Variants in GFRA1 observed in about 807,000 individuals in gnomAD.
GFRA1 encodes GDNF family receptor alpha 1, also known as GDNF family receptor alpha-1.
A neutral mutation model predicts 51.6 loss-of-function variants in GFRA1; 16 were observed. The observed-to-expected ratio is 0.31, with a 90% confidence interval of 0.21 to 0.47. The LOEUF (loss-of-function observed/expected upper bound fraction) is 0.47, where lower values mean the gene tolerates loss of function less well. GFRA1 is among the 20% of genes least tolerant of loss of function. The pLI is 1.00. For synonymous variants in GFRA1, 270 were observed against 241.3 expected (o/e 1.12, Z -1.10); for missense variants, 530 against 594.3 (o/e 0.89, Z 1.13).
At chr10:116,153,685 A>T (rs1251333042) in intron 5 of GFRA1, among the ~76,000 whole-genome samples, 2 of 152,256 alleles carry the variant, frequency 1.3e-5, no homozygotes, top group African/African-American at 4.8e-5. Flanking sequence ...ACTTGGAGTA[A>T]GCAAAGATTT....
At chr10:116,252,933 C>G (rs1361437498) in intron 4 of GFRA1, among the ~76,000 whole-genome samples, 1 of 152,222 alleles carries the variant, frequency 6.6e-6, no homozygotes, top group Non-Finnish European at 1.5e-5. Context: ...TCCAAATCTA[C>G]ATCCTTTCTG....
chr10:116,270,725 G>T, intron 3 of GFRA1, 97 bp downstream of exon 3: 1 of 981,364 alleles, frequency 1.0e-6, no homozygotes. Flanking sequence ...CAGCTGGGGA[G>T]AAGTGAGTGG....
At chr10:116,173,562 G>A (rs1324397342) in intron 5 of GFRA1, among the ~76,000 whole-genome samples, 3 of 152,068 alleles carry the variant, frequency 2.0e-5, no homozygotes, top group African/African-American at 4.8e-5. Context: ...TGCTTTCACC[G>A]TATGCCTTTC....
chr10:116,140,937 C>T lies in GFRA1; in HGVS notation c.434-15380G>A, dbSNP rs566550310. ...AGTAAATGCATAAAGTTCAGAAGTC[C>T]CACATATTTGACATTTGAAGAACAA... On this transcript the variant is annotated intron_variant, in intron 5 of 10. Transcript: ENST00000355422. 5.1e-4 allele frequency among the ~76,000 whole-genome samples: 78 copies of T among 152,218 alleles called. No individual in the cohort carries two copies. In the South Asian group the frequency reaches 0.012, roughly 23 times the overall value.
chr10:116,211,582 C>T (rs1242288740), intron 5 of GFRA1, 49 bp downstream of exon 5: 2 of 1,512,086 alleles, frequency 1.3e-6, no homozygotes, highest in African/African-American at 2.8e-5. Flanking sequence ...ACCCATGTTC[C>T]CCAAAGAGCA....
chr10:116,064,035 A>G lies in GFRA1; in HGVS notation c.*363T>C, dbSNP rs1211434543. Reference sequence around the variant, plus strand: ...AGGAAAGGCCAGAAGTAAAACTGTTAAAATCATCATCATGATCATGATGAT... The same window carrying G: ...AGGAAAGGCCAGAAGTAAAACTGTTGAAATCATCATCATGATCATGATGAT... On this transcript the variant is annotated 3_prime_UTR_variant, in exon 11 of 11. Coordinates refer to ENST00000355422, the MANE Select transcript of GFRA1 (RefSeq NM_005264.8). 11 of 176,892 alleles carry G rather than the reference A, an allele frequency of 6.2e-5. No homozygotes were observed. Among genetic ancestry groups the G allele is most frequent in the African/African-American group, 3.9e-4 (11 of 28,568 alleles). The allele number at this position is 176,892 out of a possible 1,614,324, so 11.0% of individuals were successfully genotyped here.
chr10:116,112,957 AAGTCTTCC>A, intron 6 of GFRA1, among the ~76,000 whole-genome samples: 1 of 152,318 alleles, frequency 6.6e-6, no homozygotes, highest in Non-Finnish European at 1.5e-5. Flanking sequence ...GTGCACACAC[AAGTCTTCC>A]AGCCCAAGAT....
chr10:116,164,230 T>C (rs533632139), intron 5 of GFRA1, among the ~76,000 whole-genome samples: 1 of 152,252 alleles, frequency 6.6e-6, no homozygotes, highest in African/African-American at 2.4e-5. Context: ...GTTTGAATGT[T>C]CTGTAAGAAT....
chr10:116,147,448 C>A (rs1326780813), intron 5 of GFRA1, among the ~76,000 whole-genome samples: 1 of 152,084 alleles, frequency 6.6e-6, no homozygotes, highest in Non-Finnish European at 1.5e-5. Context: ...GGTGATGAGT[C>A]CTTTTTTTTT....
At chr10:116,085,225 T>G (rs2133852510) in intron 9 of GFRA1, among the ~76,000 whole-genome samples, 1 of 152,348 alleles carries the variant, frequency 6.6e-6, no homozygotes, top group East Asian at 1.9e-4. Context: ...ATAATTACAC[T>G]TCGGAGCAGA....
rs971224838 is a variant in GFRA1 at position 116,242,485 on chromosome 10, AT to A, written c.418+27017del. On this transcript the variant is annotated intron_variant, in intron 4 of 10. Coordinates refer to ENST00000355422, the MANE Select transcript of GFRA1 (RefSeq NM_005264.8). The stretch of plus-strand genomic sequence containing the variant: ...GAGAAGAGAAGGTATCCATAAAAAC[AT>A]TTTTTTTTTTTTTGAGACAGAATCG... 4.0e-3 allele frequency among the ~76,000 whole-genome samples: 572 copies of A among 144,364 alleles called. 2 individuals carry two copies. Among genetic ancestry groups the A allele is most frequent in the Non-Finnish European group, 4.4e-3 (289 of 65,420 alleles). The allele number at this position is 144,364 out of a possible 152,430, so 94.7% of individuals were successfully genotyped here.
chr10:116,083,612 C>A (rs1955954580), intron 9 of GFRA1, among the ~76,000 whole-genome samples: 1 of 152,160 alleles, frequency 6.6e-6, no homozygotes, highest in African/African-American at 2.4e-5. Context: ...TAAAACTCGA[C>A]ACTTAAAATT....
intron 5 of GFRA1, among the ~76,000 whole-genome samples, chr10:116,154,189 G>A (rs114615648): frequency 1.3e-3 from 205 of 152,268 alleles, no homozygotes; most frequent in African/African-American, 4.7e-3. Flanking sequence ...CAGTACTAAA[G>A]CTGAATATAA....
chr10:116,185,337 G>C (rs1024571407), intron 5 of GFRA1, among the ~76,000 whole-genome samples: 1 of 152,110 alleles, frequency 6.6e-6, no homozygotes, highest in East Asian at 1.9e-4. Context: ...CTCAGCTGAT[G>C]ATCTGTAAGA....
At chr10:116,074,263 A>G (rs960445775) in intron 9 of GFRA1, among the ~76,000 whole-genome samples, 4 of 152,144 alleles carry the variant, frequency 2.6e-5, no homozygotes, top group Admixed American at 6.5e-5. Context: ...CTCTGACTCT[A>G]AAAATCAATG....
intron 5 of GFRA1, among the ~76,000 whole-genome samples, chr10:116,202,691 CT>C (rs1179520506): frequency 6.6e-6 from 1 of 152,134 alleles, no homozygotes; most frequent in East Asian, 1.9e-4. Context: ...ATGCCACACT[CT>C]TTTAAACCAT....
In GFRA1 at chr10:116,272,325, C is replaced by T. The variant is rs912735604; in HGVS notation, c.-246-50G>A. 73 of 526,196 alleles carry T rather than the reference C, an allele frequency of 1.4e-4. No homozygotes were observed. Among genetic ancestry groups the T allele is most frequent in the Non-Finnish European group, 3.4e-5 (10 of 291,342 alleles). 32.6% of individuals were successfully genotyped at this position (526,196 alleles called of 1,614,324 possible). A position where few individuals can be genotyped will look rare whatever the true frequency, so the allele number is the denominator to read the frequency against. ...ATGAGAGCGGAGAGCGCCGGAGACTCCCCCCACAGAACCCTCTCCCCTCCC... is the reference window on the plus strand; with the variant it reads ...ATGAGAGCGGAGAGCGCCGGAGACTTCCCCCACAGAACCCTCTCCCCTCCC... On this transcript the variant is annotated intron_variant, in intron 1 of 10. Transcript: ENST00000355422. This position sits in a 1 kb window ranked among gnomAD's most constrained non-coding sequence, Gnocchi z 4.4.
At chr10:116,168,545 C>G (rs552631090) in intron 5 of GFRA1, among the ~76,000 whole-genome samples, 2 of 152,284 alleles carry the variant, frequency 1.3e-5, no homozygotes, top group South Asian at 2.1e-4. Context: ...TGGGCTCACT[C>G]CACTTGCTCA....
intron 5 of GFRA1, among the ~76,000 whole-genome samples, chr10:116,165,325 CAT>C (rs1254177905): frequency 6.8e-6 from 1 of 147,902 alleles, no homozygotes; most frequent in Non-Finnish European, 1.5e-5. Flanking sequence ...AAGTCACTTC[CAT>C]ATGTTTGAAA....
Sources: allele counts gnomAD v4.1 joint callset (sites outside exome capture counted in the v4.1 genomes callset), GRCh38; gene constraint gnomAD v4.1.1; non-coding constraint Gnocchi (gnomAD v3.1); transcripts MANE v1.5; gene names NCBI Gene and HGNC (gene_info 2026-07-23, HGNC 2026-07-21).